Variants in DSCAM observed in about 807,000 individuals in gnomAD.
DSCAM encodes the protein cell adhesion molecule DSCAM.
In DSCAM, 47 loss-of-function variants were observed where a neutral mutation model predicts 217.7. That is an observed-to-expected ratio of 0.22 (90% CI 0.17 to 0.28). DSCAM has a LOEUF of 0.28. Ranked by LOEUF, DSCAM falls within the 10% of genes least tolerant of loss-of-function variation. DSCAM has a pLI of 1.00. For synonymous variants in DSCAM, 1,056 were observed against 1,015.3 expected (o/e 1.04, Z -0.76); for missense variants, 2,080 against 2,618.3 (o/e 0.79, Z 4.49).
chr21:40,583,906 TAAA>T (rs10681677), intron 3 of DSCAM, among the ~76,000 whole-genome samples: 4 of 140,124 alleles, frequency 2.9e-5, no homozygotes, highest in African/African-American at 7.9e-5. Context: ...TAAAGTCTAT[TAAA>T]AAAAAAAAAA....
At chr21:40,020,982 G>T (rs904081263) in intron 32 of DSCAM, among the ~76,000 whole-genome samples, 2 of 152,026 alleles carry the variant, frequency 1.3e-5, no homozygotes, top group Non-Finnish European at 2.9e-5. Flanking sequence ...CACAGAGAAG[G>T]GCTCTGGGAA....
intron 3 of DSCAM, among the ~76,000 whole-genome samples, chr21:40,666,718 G>A (rs1031100425): frequency 3.3e-5 from 5 of 152,196 alleles, no homozygotes; most frequent in African/African-American, 1.2e-4. Context: ...CTGCACCTGG[G>A]CTACTTCAGG....
chr21:40,192,856 C>T (rs2090966503), intron 11 of DSCAM, among the ~76,000 whole-genome samples: 1 of 152,094 alleles, frequency 6.6e-6, no homozygotes, highest in Non-Finnish European at 1.5e-5. Context: ...TACTTTGGGG[C>T]TATTATGAGT....
chr21:40,637,132 T>TATATATATAAATATATATAA lies in DSCAM; in HGVS notation c.508+55677_508+55678insTTATATATATTTATATATAT, dbSNP rs2089774382. ...TCATATATATATATATATATATAAA[T>TATATATATAAATATATATAA]ATATAAATATATATATAAATATATA... is the stretch of plus-strand genomic sequence containing the variant. On this transcript the variant is annotated intron_variant, in intron 3 of 32. Transcript: ENST00000400454. Among the ~76,000 whole-genome samples, 2 of 79,048 alleles carry TATATATATAAATATATATAA rather than the reference T, an allele frequency of 2.5e-5. 1 individual carries two copies. The highest frequency in any genetic ancestry group is 4.5e-5 in the Non-Finnish European group (2 of 44,488). The allele number at this position is 79,048 out of a possible 152,430, so 51.9% of individuals were successfully genotyped here. A position where few individuals can be genotyped will look rare whatever the true frequency, so the allele number is the denominator to read the frequency against.
intron 3 of DSCAM, among the ~76,000 whole-genome samples, chr21:40,509,360 G>C (rs570547776): frequency 6.6e-6 from 1 of 152,096 alleles, no homozygotes; most frequent in African/African-American, 2.4e-5. Context: ...ATTAGCAAAG[G>C]GTCTTTTTCC....
intron 21 of DSCAM, among the ~76,000 whole-genome samples, chr21:40,092,131 T>C (rs985114307): frequency 1.3e-5 from 2 of 152,174 alleles, no homozygotes; most frequent in Non-Finnish European, 2.9e-5. Context: ...AGGATATTAG[T>C]AAAAATAATG....
Position 40,187,106 on chromosome 21 carries a change from A to G in DSCAM, c.2779+25T>C, listed in dbSNP as rs372638934. ...AAAAGAACTTTCTGAGGTGGAAGGG[A>G]AGCTGGAGGAAGTAAAGAACTTACC... On this transcript the variant is annotated intron_variant, in intron 14 of 32. Transcript: ENST00000400454. 10 of 1,610,452 alleles carry G rather than the reference A, an allele frequency of 6.2e-6. No homozygotes were observed. The African/African-American group carries it at 1.2e-4, about 19-fold the overall frequency.
At chr21:40,196,568 C>T (rs1231591390) in intron 11 of DSCAM, among the ~76,000 whole-genome samples, 2 of 151,078 alleles carry the variant, frequency 1.3e-5, no homozygotes, top group Non-Finnish European at 3.0e-5. Context: ...ATTGCCATTT[C>T]CCCTCCTTCT....
At chr21:40,523,313 C>A (rs900694054) in intron 3 of DSCAM, among the ~76,000 whole-genome samples, 28 of 152,216 alleles carry the variant, frequency 1.8e-4, no homozygotes, top group African/African-American at 6.5e-4. Context: ...CCTGCCATGC[C>A]CCCATCCTGT....
At chr21:40,485,416 G>A (rs970362511) in intron 3 of DSCAM, among the ~76,000 whole-genome samples, 5 of 151,274 alleles carry the variant, frequency 3.3e-5, no homozygotes, top group Admixed American at 1.3e-4. Flanking sequence ...CTAATTTTTT[G>A]TATTTTTAGT....
At chr21:40,338,993 T>G in intron 7 of DSCAM, 126 bp downstream of exon 7, 1 of 1,202,420 alleles carries the variant, frequency 8.3e-7, no homozygotes, top group Non-Finnish European at 1.2e-6. Flanking sequence ...AAGGAGAGGG[T>G]AGGAAATGGG....
intron 8 of DSCAM, among the ~76,000 whole-genome samples, chr21:40,322,662 C>T (rs2074272367): frequency 6.6e-6 from 1 of 151,848 alleles, no homozygotes; most frequent in African/African-American, 2.4e-5. Context: ...GTAGCTGGTA[C>T]TACAGGTGCC....
At chr21:40,536,391 C>T (rs892976067) in intron 3 of DSCAM, among the ~76,000 whole-genome samples, 22 of 149,882 alleles carry the variant, frequency 1.5e-4, no homozygotes, top group Non-Finnish European at 2.4e-4. Context: ...CAAAGCTGAC[C>T]GGTAGAGTCT....
At chr21:40,193,471 C>T (rs2090974399) in intron 11 of DSCAM, among the ~76,000 whole-genome samples, 1 of 152,204 alleles carries the variant, frequency 6.6e-6, no homozygotes, top group South Asian at 2.1e-4. Context: ...ATTTACTCCT[C>T]ATTCTTTCTC....
chr21:40,162,487 G>C (rs113561212), intron 16 of DSCAM, among the ~76,000 whole-genome samples: 2,218 of 152,252 alleles, frequency 0.015, 17 homozygotes, highest in Non-Finnish European at 0.022. Flanking sequence ...TGACTACGGA[G>C]GTCACTGGAA....
chr21:40,674,922 C>T (rs2090320757), intron 3 of DSCAM, among the ~76,000 whole-genome samples: 1 of 151,940 alleles, frequency 6.6e-6, no homozygotes, highest in African/African-American at 2.4e-5. Context: ...CGCGCCCGGC[C>T]CATAAAGGTA....
chr21:40,335,636 A>T (rs957342147), intron 8 of DSCAM, among the ~76,000 whole-genome samples: 3 of 152,244 alleles, frequency 2.0e-5, no homozygotes, highest in Non-Finnish European at 4.4e-5. Flanking sequence ...ATAATCTTAA[A>T]ATCAGACAAA....
Position 40,810,465 on chromosome 21 carries a change from A to G in DSCAM, c.43+36154T>C, listed in dbSNP as rs535083926. Among the ~76,000 whole-genome samples the G allele has an allele frequency of 3.2e-4, 48 of 152,342 alleles. No individual in the cohort carries two copies. In the East Asian group the frequency reaches 6.2e-3, roughly 20 times the overall value. On this transcript the variant is annotated intron_variant, in intron 1 of 32. Transcript: ENST00000400454. Reference sequence around the variant, plus strand: ...CTGGTGGGTAGTCTGGTAAACCAGGAACACAAGAAGGTTGGGTAGAGTGTT... The same window carrying G: ...CTGGTGGGTAGTCTGGTAAACCAGGGACACAAGAAGGTTGGGTAGAGTGTT...
intron 3 of DSCAM, among the ~76,000 whole-genome samples, chr21:40,585,714 T>C (rs143090030): frequency 6.6e-6 from 1 of 152,232 alleles, no homozygotes; most frequent in East Asian, 1.9e-4. Context: ...TGAGAGGTGT[T>C]TTGGTCATGG....
Sources: gnomAD v4.1 joint callset for allele counts (sites outside exome capture counted in the v4.1 genomes callset) on GRCh38, gnomAD v4.1.1 for gene constraint, MANE v1.5 for transcripts, NCBI Gene and HGNC (gene_info 2026-07-23, HGNC 2026-07-21) for gene names.